The following ZNF525 variants were observed in gnomAD, a reference collection of about 807,000 sequenced individuals.
The protein encoded by ZNF525 is zinc finger protein 525.
In ZNF525, 33 loss-of-function variants were observed where a neutral mutation model predicts 37.6. The ratio of observed to expected loss-of-function variants is 0.88; its 90% confidence interval spans 0.67 to 1.17. The LOEUF (loss-of-function observed/expected upper bound fraction) is 1.17, where lower values mean the gene tolerates loss of function less well. Ranked by LOEUF, ZNF525 falls within the 50% of genes most tolerant of loss-of-function variation. The pLI is 0.00. For synonymous variants in ZNF525, 170 were observed against 182.3 expected, an observed-to-expected ratio of 0.93 and a Z score of 0.54; for missense variants, 449 against 543.1, an observed-to-expected ratio of 0.83 and a Z score of 1.72.
In ZNF525 at chr19:53,372,241, A is replaced by G. The variant is rs7252803; in HGVS notation, c.-41A>G. ...ATTGACATCTAAAGACTCTTGGTAC[A>G]TGAGGAAGAAACCCGGAAAAGGAAA... On this transcript the variant is annotated 5_prime_UTR_variant, in exon 2 of 4. It removes an upstream start codon present in the reference 5' UTR. Coordinates refer to ENST00000474037, the MANE Select transcript of ZNF525 (RefSeq NM_001348156.2). The G allele has an allele frequency of 4.4e-3, 3,274 of 736,882 alleles. 86 individuals carry two copies. The African/African-American group carries it at 0.049, about 11-fold the overall frequency. The allele number at this position is 736,882 out of a possible 1,614,324, so 45.6% of individuals were successfully genotyped here.
chr19:53,371,868 CA>C, intron 1 of ZNF525, among the ~76,000 whole-genome samples: 1 of 152,216 alleles, frequency 6.6e-6, no homozygotes, highest in Non-Finnish European at 1.5e-5. Context: ...AGGCTGGTCT[CA>C]AACTCCTGAG....
rs546205301 is a variant in ZNF525 at position 53,375,662 on chromosome 19, A to T, written c.16-108A>T. The T allele has an allele frequency of 9.4e-5, 152 of 1,609,362 alleles. 2 individuals carry two copies. In the South Asian group the frequency reaches 1.6e-3, roughly 17 times the overall value. ...AAACCCCTTACTCGGATTTGTCAGA[A>T]CATTCACTGCAATTAAATCCATGCT... On this transcript the variant is annotated intron_variant, in intron 2 of 3. Transcript: ENST00000474037.
At chr19:53,372,051 G>C (rs866352495) in intron 1 of ZNF525, among the ~76,000 whole-genome samples, 164 bp from the exon 2 acceptor site, 2 of 152,154 alleles carry the variant, frequency 1.3e-5, no homozygotes, top group African/African-American at 4.8e-5. Flanking sequence ...CAGGAGGGGA[G>C]TGGGAGTTTT....
chr19:53,384,074 A>AT lies in ZNF525; in HGVS notation c.*2055_*2056insT, dbSNP rs2085588043. ...TTTTTCAGGTAATTGTTCCCAATGC[A>AT]ATGAATATAGCAAACCATCAAGCAT... On this transcript the variant is annotated 3_prime_UTR_variant, in exon 4 of 4. Transcript: ENST00000474037. 3 of 502,836 alleles carry AT rather than the reference A, an allele frequency of 6.0e-6. No individual in the cohort carries two copies. Among genetic ancestry groups the AT allele is most frequent in the South Asian group, 3.3e-5 (2 of 61,488 alleles). 31.1% of individuals were successfully genotyped at this position (502,836 alleles called of 1,614,324 possible).
intron 1 of ZNF525, among the ~76,000 whole-genome samples, chr19:53,370,859 G>A (rs560929710): frequency 6.6e-6 from 1 of 152,300 alleles, no homozygotes; most frequent in East Asian, 1.9e-4. Flanking sequence ...CAGGACAAAA[G>A]CCCAACTCCT....
At chr19:53,366,443 T>C (rs543155352) in intron 1 of ZNF525, among the ~76,000 whole-genome samples, 14 of 146,202 alleles carry the variant, frequency 9.6e-5, no homozygotes, top group South Asian at 2.1e-4. Flanking sequence ...CAGACAGCAG[T>C]AGAAAACCTG....
In ZNF525 at chr19:53,366,653, G is replaced by C. The variant is rs989134262; in HGVS notation, c.-68+894G>C. On this transcript the variant is annotated intron_variant, in intron 1 of 3. Coordinates refer to ENST00000474037, the MANE Select transcript of ZNF525 (RefSeq NM_001348156.2). ...GCAAGGTAGGGAGAGGGACAGCAAA[G>C]AGGGAGGCTCATCAGGGTGAGGGAG... 7.9e-5 allele frequency among the ~76,000 whole-genome samples: 12 copies of C among 151,942 alleles called. No individual in the cohort carries two copies. The South Asian group carries it at 2.3e-3, about 29-fold the overall frequency.
chr19:53,382,863 A>T lies in ZNF525; in HGVS notation c.*844A>T. 7.4e-7 allele frequency: 1 copy of T among 1,358,364 alleles called. No individual in the cohort carries two copies. The highest frequency in any genetic ancestry group is 1.0e-6 in the Non-Finnish European group (1 of 957,988). The allele number at this position is 1,358,364 out of a possible 1,614,324, so 84.1% of individuals were successfully genotyped here. A position where few individuals can be genotyped will look rare whatever the true frequency, so the allele number is the denominator to read the frequency against. On this transcript the variant is annotated 3_prime_UTR_variant, in exon 4 of 4. Coordinates refer to ENST00000474037, the MANE Select transcript of ZNF525 (RefSeq NM_001348156.2). ...GCTTTCAGATTCAAATCAAACCTTG[A>T]AAGTCATAGGAGAATTCATACTAGA... is the stretch of plus-strand genomic sequence containing the variant.
At position 53,386,313 on chromosome 19, in the gene ZNF525, T is replaced by A; in HGVS notation, c.*4294T>A. On this transcript the variant is annotated 3_prime_UTR_variant, in exon 4 of 4. Transcript: ENST00000474037. ...AAAACCATCCCACTCCCCTGTGGAT[T>A]CAGATCAAAACTGGTAATAAAATCA... 1 of 726,544 alleles carries A rather than the reference T, an allele frequency of 1.4e-6. No individual in the cohort carries two copies. Among genetic ancestry groups the A allele is most frequent in the African/African-American group, 2.1e-5 (1 of 48,092 alleles). The allele number at this position is 726,544 out of a possible 1,614,324, so 45.0% of individuals were successfully genotyped here.
intron 3 of ZNF525, chr19:53,376,411 T>G: frequency 1.6e-6 from 1 of 642,758 alleles, no homozygotes; most frequent in African/African-American, 1.8e-5. Flanking sequence ...GACCTTACCA[T>G]TGCCTTTTTG....
At chr19:53,374,175 G>A (rs1395484628) in intron 2 of ZNF525, among the ~76,000 whole-genome samples, 2 of 151,962 alleles carry the variant, frequency 1.3e-5, no homozygotes, top group Non-Finnish European at 2.9e-5. Flanking sequence ...GAGCCTCCTT[G>A]CCCAGCCCCC....
At chr19:53,377,469 C>A (rs2085530192) in intron 3 of ZNF525, among the ~76,000 whole-genome samples, 1 of 148,636 alleles carries the variant, frequency 6.7e-6, no homozygotes, top group Non-Finnish European at 1.5e-5. Context: ...AAAAACTGCG[C>A]CCGGCCTATC....
intron 1 of ZNF525, among the ~76,000 whole-genome samples, chr19:53,367,598 G>C (rs10422642): frequency 3.3e-5 from 5 of 152,136 alleles, no homozygotes; most frequent in African/African-American, 1.2e-4. Flanking sequence ...GTTTTGAATC[G>C]ACTGAAGGAG....
At chr19:53,372,897 C>T (rs926737796) in intron 2 of ZNF525, among the ~76,000 whole-genome samples, 1 of 152,124 alleles carries the variant, frequency 6.6e-6, no homozygotes, top group East Asian at 1.9e-4. Context: ...GCAGGAGATT[C>T]ATTAATCCAT....
rs1207783165 is a variant in ZNF525 at position 53,384,246 on chromosome 19, G to A, written c.*2227G>A. ...CGCCTGTAATCCCAGCACTTTGGTAGGCCAAGGTGGGTAAATCACTTGAGG... is the reference window on the plus strand; with the variant it reads ...CGCCTGTAATCCCAGCACTTTGGTAAGCCAAGGTGGGTAAATCACTTGAGG... On this transcript the variant is annotated 3_prime_UTR_variant, in exon 4 of 4. Transcript: ENST00000474037. 1 of 242,380 alleles carries A rather than the reference G, an allele frequency of 4.1e-6. No individual in the cohort carries two copies. The highest frequency in any genetic ancestry group is 2.3e-5 in the African/African-American group (1 of 42,770). 15.0% of individuals were successfully genotyped at this position (242,380 alleles called of 1,614,324 possible).
intron 1 of ZNF525, among the ~76,000 whole-genome samples, chr19:53,367,347 C>T (rs2085455829): frequency 6.6e-6 from 1 of 151,778 alleles, no homozygotes; most frequent in African/African-American, 2.4e-5. Context: ...CAGTTTCTTC[C>T]CTTAGATGCT....
At chr19:53,370,413 C>CAA (rs202164037) in intron 1 of ZNF525, among the ~76,000 whole-genome samples, 2 of 118,286 alleles carry the variant, frequency 1.7e-5, no homozygotes, top group African/African-American at 3.2e-5. Context: ...GACTCCATGT[C>CAA]AAAAAAAAAA....
chr19:53,369,577 T>C lies in ZNF525; in HGVS notation c.-67-2638T>C, dbSNP rs544444879. 1.6e-4 allele frequency among the ~76,000 whole-genome samples: 23 copies of C among 148,208 alleles called. 3 individuals carry two copies. Among genetic ancestry groups the C allele is most frequent in the African/African-American group, 5.4e-4 (21 of 39,194 alleles). ...TTTGCTTATGTCTTAGTTCTACAGC[T>C]GACCTTCTTTTCACTGTTTTTAAGG... On this transcript the variant is annotated intron_variant, in intron 1 of 3. Transcript: ENST00000474037.
Position 53,386,356 on chromosome 19 carries a change from A to T in ZNF525, c.*4337A>T. ...TAAAATCAGGTACGACTCCAAAAGG[A>T]GACATTGGAGAAGAACCAAGCTGGG... On this transcript the variant is annotated 3_prime_UTR_variant, in exon 4 of 4. Coordinates refer to ENST00000474037, the MANE Select transcript of ZNF525 (RefSeq NM_001348156.2). The T allele has an allele frequency of 1.2e-6, 1 of 848,654 alleles. No individual in the cohort carries two copies. Among genetic ancestry groups the T allele is most frequent in the Non-Finnish European group, 2.0e-6 (1 of 502,120 alleles). The allele number at this position is 848,654 out of a possible 1,614,324, so 52.6% of individuals were successfully genotyped here.
Sources: allele counts gnomAD v4.1 joint callset (sites outside exome capture counted in the v4.1 genomes callset), GRCh38; gene constraint gnomAD v4.1.1; transcripts MANE v1.5; gene names NCBI Gene and HGNC (gene_info 2026-07-23, HGNC 2026-07-21).